Variants in TTLL7 observed in about 807,000 individuals in gnomAD.
The protein encoded by TTLL7 is tubulin polyglutamylase TTLL7.
In TTLL7, 53 loss-of-function variants were observed where a neutral mutation model predicts 120.2. That is an observed-to-expected ratio of 0.44 (90% CI 0.35 to 0.55). The LOEUF is 0.55. TTLL7 is among the 20% of genes least tolerant of loss of function. The pLI is 0.00. For missense variants in TTLL7, 803 were observed against 1,054.7 expected, an observed-to-expected ratio of 0.76 and a Z score of 3.31; for synonymous variants, 353 against 351.7, an observed-to-expected ratio of 1.00 and a Z score of -0.04.
chr1:83,892,620 ATATGAACATATG>A (rs1655736086), intron 18 of TTLL7, among the ~76,000 whole-genome samples: 1 of 143,928 alleles, frequency 6.9e-6, no homozygotes, highest in Non-Finnish European at 1.5e-5. Flanking sequence ...ATGAACATAT[ATATGAACATATG>A]AATGAACATA....
intron 18 of TTLL7, chr1:83,900,005 T>G (rs1318122214): frequency 4.0e-6 from 1 of 250,740 alleles, no homozygotes; most frequent in Non-Finnish European, 7.9e-6. Flanking sequence ...ATTTTTCCTC[T>G]AAATGTAGAA....
At chr1:83,963,261 T>G (rs906431793) in intron 1 of TTLL7, among the ~76,000 whole-genome samples, 4 of 152,024 alleles carry the variant, frequency 2.6e-5, no homozygotes, top group African/African-American at 4.8e-5. Context: ...ATCCAACTAA[T>G]GCCAGTGAGA....
At chr1:83,971,747 C>T (rs1365795005) in intron 1 of TTLL7, among the ~76,000 whole-genome samples, 1 of 151,968 alleles carries the variant, frequency 6.6e-6, no homozygotes, top group Non-Finnish European at 1.5e-5. Flanking sequence ...TTGCTTCTAA[C>T]GTTTTGATGC....
chr1:83,905,547 C>A (rs1657126699), intron 17 of TTLL7, among the ~76,000 whole-genome samples: 1 of 148,092 alleles, frequency 6.8e-6, no homozygotes. Context: ...ATTTTATATA[C>A]ATAATTTATA....
chr1:83,892,469 T>C (rs372832774), intron 18 of TTLL7, among the ~76,000 whole-genome samples: 1 of 86,858 alleles, frequency 1.2e-5, no homozygotes, highest in African/African-American at 3.6e-5. Context: ...TGAACATATA[T>C]ATGAACATAT....
At chr1:83,910,737 A>T (rs546518434) in intron 15 of TTLL7, among the ~76,000 whole-genome samples, 1 of 152,262 alleles carries the variant, frequency 6.6e-6, no homozygotes, top group African/African-American at 2.4e-5. Flanking sequence ...GATACATTCA[A>T]GTCAAATGCC....
At chr1:83,897,790 C>T (rs1244274329) in intron 18 of TTLL7, among the ~76,000 whole-genome samples, 2 of 151,044 alleles carry the variant, frequency 1.3e-5, no homozygotes, top group East Asian at 3.9e-4. Context: ...GGAGTCAGAC[C>T]TGCATTGTAG....
chr1:83,952,505 T>C, intron 1 of TTLL7, 118 bp from the exon 2 acceptor site: 1 of 307,932 alleles, frequency 3.2e-6, no homozygotes, highest in Non-Finnish European at 5.9e-6. Context: ...AATCAACAAA[T>C]AATTGTAAAT....
intron 18 of TTLL7, among the ~76,000 whole-genome samples, chr1:83,895,911 C>T (rs922935482): frequency 6.6e-6 from 1 of 152,192 alleles, no homozygotes; most frequent in South Asian, 2.1e-4. Context: ...TAGGCACCCC[C>T]TCCTTTATGG....
chr1:83,892,846 A>ATATGAACACATATG (rs1571088089), intron 18 of TTLL7, among the ~76,000 whole-genome samples: 4 of 19,542 alleles, frequency 2.0e-4, no homozygotes, highest in African/African-American at 3.6e-4. Flanking sequence ...GAACACATAT[A>ATATGAACACATATG]TGAGTATATA....
chr1:83,937,226 CA>C lies in TTLL7; in HGVS notation c.888+625del, dbSNP rs576765129. Among the ~76,000 whole-genome samples the C allele has an allele frequency of 4.3e-4, 64 of 149,142 alleles. 1 individual carries two copies. In the South Asian group the frequency reaches 0.013, roughly 30 times the overall value. ...GGTAATTTTTTTTTTTTTTTGAGAC[CA>C]AAATCTTGCTCTGTTGCCCAGGCTG... On this transcript the variant is annotated intron_variant, in intron 8 of 20. Transcript: ENST00000260505.
intron 1 of TTLL7, among the ~76,000 whole-genome samples, chr1:83,991,670 A>C (rs1343348365): frequency 1.3e-5 from 2 of 152,026 alleles, no homozygotes; most frequent in African/African-American, 4.8e-5. Flanking sequence ...ATATATTAAA[A>C]ATAATGCTAC....
At chr1:83,980,926 G>A (rs1360121133) in intron 1 of TTLL7, 3 of 151,962 alleles carry the variant, frequency 2.0e-5, no homozygotes, top group Non-Finnish European at 4.4e-5. Flanking sequence ...AGTAAGCTAT[G>A]ATAAACTAAG....
At chr1:83,920,186 G>T (rs1390034709) in intron 12 of TTLL7, among the ~76,000 whole-genome samples, 2 of 152,090 alleles carry the variant, frequency 1.3e-5, no homozygotes, top group Non-Finnish European at 2.9e-5. Flanking sequence ...CACAAACAAA[G>T]TTTATCTAGA....
chr1:83,921,367 G>C lies in TTLL7; in HGVS notation c.1170C>G (p.Ala390=). ...IRTSDKRRNL[A]KQKAEAQRRL... is the part of the protein sequence containing the mutation. ...TCCTTTGAGCCTCAGCTTTTTGTTT[G>C]GCCAAGTTTCTTCTTTTGTCACTGG... is the stretch of plus-strand genomic sequence containing the variant. Residue 390 remains alanine (A), a synonymous_variant, in exon 11 of 21, where the codon GCC becomes GCG. Transcript: ENST00000260505. 6.2e-7 allele frequency: 1 copy of C among 1,611,288 alleles called. No individual in the cohort carries two copies. Among genetic ancestry groups the C allele is most frequent in the Non-Finnish European group, 8.5e-7 (1 of 1,179,600 alleles).
At chr1:83,900,990 A>AT (rs1331399205) in intron 18 of TTLL7, among the ~76,000 whole-genome samples, 9 of 152,034 alleles carry the variant, frequency 5.9e-5, no homozygotes. Flanking sequence ...TCTGAAATCC[A>AT]TAAGTTGTCT....
chr1:83,948,441 C>A (rs1648724130), intron 5 of TTLL7, among the ~76,000 whole-genome samples, 187 bp downstream of exon 5: 2 of 152,170 alleles, frequency 1.3e-5, no homozygotes, highest in Non-Finnish European at 2.9e-5. Context: ...CTCTGACCCT[C>A]ATTTACCTCC....
chr1:83,984,323 A>G (rs1652242756), intron 1 of TTLL7: 1 of 152,236 alleles, frequency 6.6e-6, no homozygotes, highest in African/African-American at 2.4e-5. Flanking sequence ...GCTGGTGGGA[A>G]TGTGAATTAG....
chr1:83,926,423 G>C (rs1216866879), intron 10 of TTLL7, among the ~76,000 whole-genome samples: 1 of 152,026 alleles, frequency 6.6e-6, no homozygotes, highest in African/African-American at 2.4e-5. Context: ...CTCCAGAGTG[G>C]GTCAAAGCTA....
Sources: allele counts gnomAD v4.1 joint callset (sites outside exome capture counted in the v4.1 genomes callset), GRCh38; gene constraint gnomAD v4.1.1; transcripts MANE v1.5; gene names NCBI Gene and HGNC (gene_info 2026-07-23, HGNC 2026-07-21).